The following GALNT14 variants were observed in gnomAD, a reference collection of about 807,000 sequenced individuals.
The protein encoded by GALNT14 is UDP-GalNAc:polypeptide N-acetylgalactosaminyltransferase 14.
In GALNT14, 60 loss-of-function variants were observed where a neutral mutation model predicts 77.5. The ratio of observed to expected loss-of-function variants is 0.77; its 90% CI spans 0.63 to 0.96. The LOEUF is 0.96. Ranked by LOEUF, GALNT14 falls within the 40% of genes least tolerant of loss-of-function variation. The probability of loss-of-function intolerance (pLI) is 0.00; values close to 1 mark genes in which losing one functional copy is unlikely to be tolerated. For missense variants in GALNT14, 710 were observed against 731.0 expected, an observed-to-expected ratio of 0.97 and a Z score of 0.33; for synonymous variants, 280 against 281.7, an observed-to-expected ratio of 0.99 and a Z score of 0.06.
At chr2:30,902,386 A>G in the GALNT14 span, among the ~76,000 whole-genome samples, 1 of 152,188 alleles carries the variant, frequency 6.6e-6, no homozygotes, top group Non-Finnish European at 1.5e-5. Flanking sequence ...GGAGGCTTTA[A>G]GACACAGGCA....
At chr2:30,929,276 G>T in intron 11 of GALNT14, 119 bp downstream of exon 11, 2 of 682,822 alleles carry the variant, frequency 2.9e-6, no homozygotes, top group South Asian at 1.8e-5. Context: ...CCACAGCCTT[G>T]GGCCCTGCGG....
chr2:30,955,029 A>G (rs1353940780), intron 6 of GALNT14, among the ~76,000 whole-genome samples: 2 of 152,246 alleles, frequency 1.3e-5, no homozygotes, highest in African/African-American at 4.8e-5. Context: ...ATATAAAATA[A>G]TAAGAAAAAT....
chr2:31,063,864 A>G (rs1242481664), intron 1 of GALNT14, among the ~76,000 whole-genome samples: 2 of 152,066 alleles, frequency 1.3e-5, no homozygotes, highest in Non-Finnish European at 2.9e-5. Context: ...CTGCTTGTCT[A>G]TTATTCGTGT....
chr2:31,045,933 A>T (rs1469662499), intron 1 of GALNT14, among the ~76,000 whole-genome samples: 2 of 152,136 alleles, frequency 1.3e-5, no homozygotes, highest in Non-Finnish European at 2.9e-5. Context: ...CTATACTATC[A>T]TCCTGTTACC....
intron 9 of GALNT14, among the ~76,000 whole-genome samples, chr2:30,939,899 A>G (rs1666276241): frequency 6.6e-6 from 1 of 151,644 alleles, no homozygotes; most frequent in Non-Finnish European, 1.5e-5. Context: ...TTCCTCCTTC[A>G]CGCACTCAGG....
intron 9 of GALNT14, 66 bp from the exon 10 acceptor site, chr2:30,932,260 T>C: frequency 1.5e-6 from 2 of 1,365,564 alleles, no homozygotes; most frequent in Non-Finnish European, 1.9e-6. Context: ...AGGCCCCAGG[T>C]CTAATGAAAC....
intron 8 of GALNT14, among the ~76,000 whole-genome samples, chr2:30,944,344 A>G (rs1666559363): frequency 6.6e-6 from 1 of 152,220 alleles, no homozygotes; most frequent in Admixed American, 6.5e-5. Flanking sequence ...GTACAAAGCC[A>G]CCCACAGCCT....
intron 1 of GALNT14, among the ~76,000 whole-genome samples, chr2:31,003,164 G>A (rs1670470958): frequency 1.3e-5 from 2 of 151,998 alleles, no homozygotes; most frequent in Non-Finnish European, 2.9e-5. Flanking sequence ...TTTATCTCAG[G>A]TACTGGTAAT....
intron 1 of GALNT14, among the ~76,000 whole-genome samples, chr2:31,023,261 A>T (rs1671837495): frequency 6.6e-6 from 1 of 152,194 alleles, no homozygotes. Context: ...TTTCCAGTGG[A>T]TGAAAAATAA....
At chr2:30,961,064 C>A (rs1363633897) in intron 3 of GALNT14, among the ~76,000 whole-genome samples, 1 of 152,260 alleles carries the variant, frequency 6.6e-6, no homozygotes, top group East Asian at 1.9e-4. Context: ...GGCCGCAGGG[C>A]AGCGTGGGCA....
At chr2:30,982,804 A>G (rs1669067980) in intron 2 of GALNT14, among the ~76,000 whole-genome samples, 1 of 152,212 alleles carries the variant, frequency 6.6e-6, no homozygotes, top group Non-Finnish European at 1.5e-5. Flanking sequence ...TATGTATCTT[A>G]TATTTCAATA....
intron 3 of GALNT14, among the ~76,000 whole-genome samples, chr2:30,964,286 C>T (rs932657963): frequency 3.3e-5 from 5 of 152,158 alleles, no homozygotes; most frequent in African/African-American, 9.7e-5. Flanking sequence ...CTCCATGAAC[C>T]CCCCCTGGTG....
chr2:30,973,241 C>T (rs1385105185), intron 2 of GALNT14, among the ~76,000 whole-genome samples: 1 of 152,168 alleles, frequency 6.6e-6, no homozygotes, highest in African/African-American at 2.4e-5. Context: ...GTGGCGTAGG[C>T]ACATCTTTCC....
chr2:31,070,170 G>A (rs930445498), intron 1 of GALNT14, among the ~76,000 whole-genome samples: 1 of 152,164 alleles, frequency 6.6e-6, no homozygotes, highest in Non-Finnish European at 1.5e-5. Context: ...CTCGACCAAG[G>A]ACTTCTTCCC....
At chr2:31,022,173 G>T (rs551507236) in intron 1 of GALNT14, among the ~76,000 whole-genome samples, 1 of 152,326 alleles carries the variant, frequency 6.6e-6, no homozygotes, top group Non-Finnish European at 1.5e-5. Flanking sequence ...GGAAGTGGGG[G>T]TCAGAAAGGG....
At chr2:31,078,070 G>A (rs888980448) in intron 1 of GALNT14, among the ~76,000 whole-genome samples, 2 of 152,232 alleles carry the variant, frequency 1.3e-5, no homozygotes, top group Non-Finnish European at 2.9e-5. Flanking sequence ...AGGTGAAAAT[G>A]CAGGACAAAA....
chr2:30,960,883 C>T (rs1189808607), intron 3 of GALNT14, among the ~76,000 whole-genome samples: 2 of 152,244 alleles, frequency 1.3e-5, no homozygotes, highest in East Asian at 3.8e-4. Flanking sequence ...GCTGCCTTCC[C>T]CACACCCTTC....
At chr2:30,925,683 T>C (rs1665327580) in intron 11 of GALNT14, among the ~76,000 whole-genome samples, 1 of 152,006 alleles carries the variant, frequency 6.6e-6, no homozygotes, top group African/African-American at 2.4e-5. Context: ...AGAGCAGAAA[T>C]GGGTGAGTTG....
At chr2:30,950,178 A>C (rs937826819) in intron 6 of GALNT14, among the ~76,000 whole-genome samples, 2 of 152,196 alleles carry the variant, frequency 1.3e-5, no homozygotes, top group Non-Finnish European at 2.9e-5. Flanking sequence ...ATTTATATAA[A>C]TTTACCAAAT....
Sources: gnomAD v4.1 joint callset for allele counts (sites outside exome capture counted in the v4.1 genomes callset) on GRCh38, gnomAD v4.1.1 for gene constraint, MANE v1.5 for transcripts, NCBI Gene and HGNC (gene_info 2026-07-23, HGNC 2026-07-21) for gene names.